The following DDX52 variants were observed in gnomAD, a reference collection of about 807,000 sequenced individuals.
DDX52 encodes the protein DExD-box helicase 52.
Under a neutral mutation model 76.1 loss-of-function variants are expected in DDX52, and 59 were observed. The observed-to-expected ratio is 0.78, with a 90% CI of 0.63 to 0.96. The LOEUF (loss-of-function observed/expected upper bound fraction) is 0.96. Among genes scored for constraint, DDX52 ranks in the 40% least tolerant of loss-of-function variants. The pLI, the probability that DDX52 is intolerant of heterozygous loss-of-function variation, is 0.00. For synonymous variants in DDX52, 231 were observed against 244.1 expected (o/e 0.95, Z 0.50); for missense variants, 707 against 703.9 (o/e 1.00, Z -0.05).
Position 37,632,195 on chromosome 17 carries a change from G to T in DDX52, c.521C>A (p.Ser174Tyr). 1 of 1,613,896 alleles carries T rather than the reference G, an allele frequency of 6.2e-7. No individual in the cohort carries two copies. Among genetic ancestry groups the T allele is most frequent in the Non-Finnish European group, 8.5e-7 (1 of 1,179,996 alleles). ...ATCTAGAATGTTCTGAAGTAGTCGA[G>T]AATTGATTTTATATTCCTGGTCAAG... ...QQLDQEYKIN[S>Y]RLLQNILDAG... The change falls in exon 4 of 15, where the codon TCT becomes TAT. Residue 174 changes from serine to tyrosine, a missense_variant. Physicochemically the swap from Ser to Tyr is moderately radical, Grantham distance 144 (BLOSUM62 -2). Coordinates refer to ENST00000617633, the MANE Select transcript of DDX52 (RefSeq NM_007010.5).
intron 3 of DDX52, among the ~76,000 whole-genome samples, chr17:37,632,737 G>A (rs1173691297): frequency 6.6e-6 from 1 of 152,154 alleles, no homozygotes; most frequent in Non-Finnish European, 1.5e-5. Flanking sequence ...GCCAAATTCT[G>A]GTTTCTGGGT....
At chr17:37,641,464 C>T (rs1042933131) in intron 2 of DDX52, among the ~76,000 whole-genome samples, 1 of 151,800 alleles carries the variant, frequency 6.6e-6, no homozygotes, top group Admixed American at 6.6e-5. Context: ...TCAGGCAGGG[C>T]GCGGTGGTTC....
chr17:37,627,486 A>G (rs1177459563), intron 6 of DDX52, among the ~76,000 whole-genome samples: 2 of 152,070 alleles, frequency 1.3e-5, no homozygotes, highest in African/African-American at 2.4e-5. Flanking sequence ...GGCTCAAGCA[A>G]TCTCCCTGCC....
chr17:37,624,662 A>G (rs1236345194), intron 8 of DDX52, among the ~76,000 whole-genome samples: 1 of 152,140 alleles, frequency 6.6e-6, no homozygotes, highest in Non-Finnish European at 1.5e-5. Context: ...ATTAAAACTT[A>G]TGTTTCAGTC....
At chr17:37,626,224 A>T in intron 7 of DDX52, 126 bp from the exon 8 acceptor site, 1 of 946,928 alleles carries the variant, frequency 1.1e-6, no homozygotes, top group Non-Finnish European at 1.5e-6. Flanking sequence ...CCACTTTATC[A>T]TACCAAAAAA....
chr17:37,612,950 TGTAA>T lies in DDX52; in HGVS notation c.*1342_*1345del, dbSNP rs1350483835. ...TGAACAAACAAAAAAATCATATTCTTGTAAGTATTTTTACACCCTGTACCAGTAG... is the reference window on the plus strand; with the variant it reads ...TGAACAAACAAAAAAATCATATTCTTGTATTTTTACACCCTGTACCAGTAG... On this transcript the variant is annotated 3_prime_UTR_variant, in exon 15 of 15. Coordinates refer to ENST00000617633, the MANE Select transcript of DDX52 (RefSeq NM_007010.5). 6.6e-6 allele frequency: 1 copy of T among 152,214 alleles called. No homozygotes were observed. Among genetic ancestry groups the T allele is most frequent in the Non-Finnish European group, 1.5e-5 (1 of 68,038 alleles). The allele number at this position is 152,214 out of a possible 1,614,324, so 9.4% of individuals were successfully genotyped here. A position where few individuals can be genotyped will look rare whatever the true frequency, so the allele number is the denominator to read the frequency against.
chr17:37,616,456 C>T (rs950353942), intron 14 of DDX52, among the ~76,000 whole-genome samples: 2 of 152,018 alleles, frequency 1.3e-5, no homozygotes, highest in African/African-American at 2.4e-5. Flanking sequence ...AGTTCGAGAC[C>T]ATCTTGGCCA....
At chr17:37,626,971 G>T in intron 6 of DDX52, 111 bp from the exon 7 acceptor site, 1 of 783,452 alleles carries the variant, frequency 1.3e-6, no homozygotes, top group Non-Finnish European at 2.1e-6. Flanking sequence ...AGTAGTCATA[G>T]CCAACAACAC....
rs761829576 is a variant in DDX52, at chr17:37,621,532, C to T, written c.1228-12G>A. The T allele has an allele frequency of 7.5e-6, 12 of 1,596,656 alleles. No homozygotes were observed. Among genetic ancestry groups the T allele is most frequent in the Middle Eastern group, 1.8e-4 (1 of 5,614 alleles). ...GGTGGATTGAAACCCTAAAAGAAGA[C>T]AAAAATTGGCATACATAACTCAATC... On this transcript the variant is annotated splice_polypyrimidine_tract_variant and intron_variant, in intron 9 of 14. Coordinates refer to ENST00000617633, the MANE Select transcript of DDX52 (RefSeq NM_007010.5).
intron 14 of DDX52, among the ~76,000 whole-genome samples, chr17:37,617,106 C>T (rs376646484): frequency 5.9e-5 from 9 of 152,174 alleles, no homozygotes; most frequent in Admixed American, 4.6e-4. Flanking sequence ...CTTTACCTAA[C>T]TTCAGGAAAG....
At chr17:37,623,218 C>A (rs568994082) in intron 9 of DDX52, among the ~76,000 whole-genome samples, 3 of 152,188 alleles carry the variant, frequency 2.0e-5, no homozygotes, top group African/African-American at 7.2e-5. Context: ...TTTCCCATTA[C>A]AATTCACCTT....
chr17:37,640,754 G>A (rs1367515218), intron 2 of DDX52, among the ~76,000 whole-genome samples: 2 of 150,822 alleles, frequency 1.3e-5, no homozygotes, highest in East Asian at 1.9e-4. Flanking sequence ...TTGGGAGGTC[G>A]AGGCGGGCAG....
rs901032141 is a variant in DDX52 at position 37,611,983 on chromosome 17, A to C, written c.*2313T>G. 7 of 149,338 alleles carry C rather than the reference A, an allele frequency of 4.7e-5. No individual in the cohort carries two copies. Among genetic ancestry groups the C allele is most frequent in the African/African-American group, 1.7e-4 (7 of 41,118 alleles). The allele number at this position is 149,338 out of a possible 1,614,324, so 9.3% of individuals were successfully genotyped here. Reference sequence around the variant, plus strand: ...AAAAAAAAAAAAAAAACAAAACAAAAAAACTCATAAAGTAAAAGTTACAGT... The same window carrying C: ...AAAAAAAAAAAAAAAACAAAACAAACAAACTCATAAAGTAAAAGTTACAGT... On this transcript the variant is annotated 3_prime_UTR_variant, in exon 15 of 15. Transcript: ENST00000617633.
chr17:37,614,762 T>G (rs2147330697), intron 14 of DDX52, among the ~76,000 whole-genome samples: 1 of 152,310 alleles, frequency 6.6e-6, no homozygotes, highest in African/African-American at 2.4e-5. Context: ...GTGGTTGACT[T>G]GCCAGTCATC....
In DDX52 at chr17:37,611,955, T is replaced by TAAAAA. The variant is rs2064370962; in HGVS notation, c.*2340_*2341insTTTTT. 1 of 95,736 alleles carries TAAAAA rather than the reference T, an allele frequency of 1.0e-5. No individual in the cohort carries two copies. The highest frequency in any genetic ancestry group is 4.3e-5 in the African/African-American group (1 of 23,290). 5.9% of individuals were successfully genotyped at this position (95,736 alleles called of 1,614,324 possible). ...CAAATTAGGTAACAGACCCTGTTTCTCAAAAAAAAAAAAAAAAACAAAACA... is the reference window on the plus strand; with the variant it reads ...CAAATTAGGTAACAGACCCTGTTTCTAAAAACAAAAAAAAAAAAAAAAACAAAACA... On this transcript the variant is annotated 3_prime_UTR_variant, in exon 15 of 15. Transcript: ENST00000617633.
chr17:37,634,787 G>A (rs1598765783), intron 2 of DDX52, among the ~76,000 whole-genome samples: 1 of 152,124 alleles, frequency 6.6e-6, no homozygotes, highest in East Asian at 1.9e-4. Context: ...CAGTTTGTAT[G>A]GGAGAATAAA....
chr17:37,640,275 G>A (rs985404918), intron 2 of DDX52, among the ~76,000 whole-genome samples: 1 of 152,134 alleles, frequency 6.6e-6, no homozygotes, highest in African/African-American at 2.4e-5. Flanking sequence ...AATCAATTAT[G>A]CAATACACAC....
Position 37,626,050 on chromosome 17 carries a change from G to T in DDX52, c.981C>A (p.Gly327=). Reference sequence around the variant, plus strand: ...CCAGCTGGTCTCTGAACCCAGTTTTGCCATCTTCAAACAGTTTATCTGATT... The same window carrying T: ...CCAGCTGGTCTCTGAACCCAGTTTTTCCATCTTCAAACAGTTTATCTGATT... ...VDESDKLFED[G]KTGFRDQLAS... Residue 327 remains glycine, a synonymous_variant, in exon 8 of 15, where the codon GGC becomes GGA. Coordinates refer to ENST00000617633, the MANE Select transcript of DDX52 (RefSeq NM_007010.5). 6 of 1,614,080 alleles carry T rather than the reference G, an allele frequency of 3.7e-6. No individual in the cohort carries two copies. Among genetic ancestry groups the T allele is most frequent in the Non-Finnish European group, 5.1e-6 (6 of 1,180,024 alleles).
chr17:37,622,829 A>AT (rs2030173199), intron 9 of DDX52, among the ~76,000 whole-genome samples: 2 of 152,250 alleles, frequency 1.3e-5, no homozygotes. Flanking sequence ...AAGAATATTA[A>AT]TAAAATACAT....
Sources: allele counts gnomAD v4.1 joint callset (sites outside exome capture counted in the v4.1 genomes callset), GRCh38; gene constraint gnomAD v4.1.1; transcripts MANE v1.5; gene names NCBI Gene and HGNC (gene_info 2026-07-23, HGNC 2026-07-21).